CDH13: variants seen among roughly 807,000 people sequenced by gnomAD.
CDH13 encodes cadherin 13.
A neutral mutation model predicts 63.8 loss-of-function variants in CDH13; 24 were observed. That is an observed-to-expected ratio of 0.38 (90% CI 0.27 to 0.53). The LOEUF (loss-of-function observed/expected upper bound fraction) is 0.53, where lower values mean the gene tolerates loss of function less well. Ranked by LOEUF, CDH13 falls within the 20% of genes least tolerant of loss-of-function variation. CDH13 has a pLI of 0.85. For synonymous variants in CDH13, 503 were observed against 355.3 expected (o/e 1.42, Z -4.67); for missense variants, 1,049 against 903.1 (o/e 1.16, Z -2.07).
chr16:83,349,529 C>T (rs1036911805), intron 6 of CDH13, among the ~76,000 whole-genome samples: 2 of 152,042 alleles, frequency 1.3e-5, no homozygotes, highest in Non-Finnish European at 2.9e-5. Context: ...GGTACAGGGA[C>T]AGATACCAGG....
chr16:82,971,838 G>T (rs1183202828), intron 2 of CDH13, among the ~76,000 whole-genome samples: 1 of 152,174 alleles, frequency 6.6e-6, no homozygotes, highest in Non-Finnish European at 1.5e-5. Flanking sequence ...TTTGAGGGGG[G>T]AAGTATCTTT....
chr16:83,759,329 G>C (rs921894405), intron 11 of CDH13, among the ~76,000 whole-genome samples: 4 of 152,094 alleles, frequency 2.6e-5, no homozygotes, highest in Admixed American at 6.6e-5. Context: ...AGGCCAAGTT[G>C]ATTGAATAAA....
chr16:82,752,074 C>T (rs1253281731), intron 1 of CDH13, among the ~76,000 whole-genome samples: 1 of 152,160 alleles, frequency 6.6e-6, no homozygotes, highest in Non-Finnish European at 1.5e-5. Flanking sequence ...CTGAAATTAA[C>T]AGAATATCCC....
chr16:83,044,875 T>C (rs1035392699), intron 3 of CDH13, among the ~76,000 whole-genome samples: 3 of 152,194 alleles, frequency 2.0e-5, no homozygotes, highest in African/African-American at 7.2e-5. Context: ...TATAGTGTTG[T>C]CAGAGGTAAA....
At chr16:82,892,217 G>A (rs906962590) in intron 2 of CDH13, among the ~76,000 whole-genome samples, 29 of 152,276 alleles carry the variant, frequency 1.9e-4, no homozygotes, top group African/African-American at 6.5e-4. Context: ...GATTAAATGA[G>A]TTAACACACA....
At chr16:83,473,848 C>T (rs1296581416) in intron 6 of CDH13, among the ~76,000 whole-genome samples, 2 of 152,064 alleles carry the variant, frequency 1.3e-5, no homozygotes, top group East Asian at 1.9e-4. Flanking sequence ...GGCTTTACCT[C>T]CCTGGGCCTC....
intron 8 of CDH13, among the ~76,000 whole-genome samples, chr16:83,643,826 A>G (rs1252394688): frequency 3.3e-5 from 5 of 152,198 alleles, no homozygotes; most frequent in Non-Finnish European, 5.9e-5. Flanking sequence ...ACATGTCAAC[A>G]GCATCCTGGA....
At chr16:82,867,535 C>A (rs2040191216) in intron 2 of CDH13, among the ~76,000 whole-genome samples, 1 of 152,180 alleles carries the variant, frequency 6.6e-6, no homozygotes, top group Non-Finnish European at 1.5e-5. Context: ...CAAGACGTTA[C>A]TTGGTCATGC....
At chr16:83,111,433 C>T (rs1002413626) in intron 3 of CDH13, among the ~76,000 whole-genome samples, 18 of 152,158 alleles carry the variant, frequency 1.2e-4, no homozygotes, top group South Asian at 4.2e-4. Flanking sequence ...GATTTGTTTG[C>T]CAAATGGAGG....
chr16:83,420,462 A>C (rs993334460), intron 6 of CDH13, among the ~76,000 whole-genome samples: 1 of 152,178 alleles, frequency 6.6e-6, no homozygotes, highest in Non-Finnish European at 1.5e-5. Flanking sequence ...GGCAGAGACC[A>C]CAGGAGTATT....
chr16:83,677,993 C>CA (rs1283909698), intron 9 of CDH13, among the ~76,000 whole-genome samples: 11 of 150,442 alleles, frequency 7.3e-5, no homozygotes, highest in South Asian at 2.1e-4. Context: ...AACACAAAAA[C>CA]AAAAAAAAAC....
chr16:83,620,183 G>C (rs1909678811), intron 8 of CDH13, among the ~76,000 whole-genome samples: 1 of 152,114 alleles, frequency 6.6e-6, no homozygotes, highest in African/African-American at 2.4e-5. Context: ...ACGAGGTCAA[G>C]AGATGGAGAC....
intron 2 of CDH13, among the ~76,000 whole-genome samples, chr16:82,996,595 G>C (rs1344383928): frequency 6.6e-6 from 1 of 152,136 alleles, no homozygotes; most frequent in East Asian, 1.9e-4. Context: ...AAACGACCTT[G>C]TTTAAGTTTT....
intron 1 of CDH13, among the ~76,000 whole-genome samples, chr16:82,729,371 C>G (rs1268999753): frequency 6.6e-6 from 1 of 152,146 alleles, no homozygotes; most frequent in African/African-American, 2.4e-5. Context: ...CTTCTAGATC[C>G]ATGGGCTGCG....
chr16:83,531,685 G>A (rs184443387), intron 7 of CDH13, among the ~76,000 whole-genome samples: 1 of 152,258 alleles, frequency 6.6e-6, no homozygotes, highest in African/African-American at 2.4e-5. Flanking sequence ...AATGTGATGT[G>A]GCCACTAACC....
chr16:83,433,456 A>T (rs2151485872), intron 6 of CDH13, among the ~76,000 whole-genome samples: 1 of 152,364 alleles, frequency 6.6e-6, no homozygotes, highest in East Asian at 1.9e-4. Flanking sequence ...ATGCATGACC[A>T]GCGGATAAAC....
chr16:82,666,111 T>G (rs1912552234), intron 1 of CDH13, among the ~76,000 whole-genome samples: 2 of 152,148 alleles, frequency 1.3e-5, no homozygotes, highest in Non-Finnish European at 2.9e-5. Flanking sequence ...ATGGCATCCC[T>G]CTCTGCCTAT....
intron 5 of CDH13, among the ~76,000 whole-genome samples, chr16:83,263,863 C>G (rs1353662301): frequency 6.6e-6 from 1 of 152,120 alleles, no homozygotes; most frequent in African/African-American, 2.4e-5. Context: ...CATCCCACTA[C>G]TTGCCACTGA....
At chr16:83,039,122 G>A (rs776475284) in intron 3 of CDH13, among the ~76,000 whole-genome samples, 22 of 152,176 alleles carry the variant, frequency 1.4e-4, no homozygotes, top group Admixed American at 1.2e-3. Flanking sequence ...AGGTTCCCAC[G>A]GAGAGTTATG....
Sources: allele counts gnomAD v4.1 joint callset (sites outside exome capture counted in the v4.1 genomes callset), GRCh38; gene constraint gnomAD v4.1.1; transcripts MANE v1.5; gene names NCBI Gene and HGNC (gene_info 2026-07-23, HGNC 2026-07-21).